The following AFAP1 variants were observed in gnomAD, a reference collection of about 807,000 sequenced individuals.
AFAP1 encodes the protein actin filament associated protein 1.
AFAP1 carries 75 observed loss-of-function variants against 93.9 expected under a neutral mutation model. The ratio of observed to expected loss-of-function variants is 0.80; its 90% CI spans 0.66 to 0.97. The LOEUF is 0.97. Among genes scored for constraint, AFAP1 ranks in the 50% least tolerant of loss-of-function variants. The probability of loss-of-function intolerance (pLI) is 0.00; values close to 1 mark genes in which losing one functional copy is unlikely to be tolerated. For missense variants in AFAP1, 1,201 were observed against 1,050.8 expected (o/e 1.14, Z -1.98); for synonymous variants, 517 against 430.7 (o/e 1.20, Z -2.48).
chr4:7,934,690 C>A (rs1168480025), intron 1 of AFAP1, among the ~76,000 whole-genome samples: 2 of 152,106 alleles, frequency 1.3e-5, no homozygotes, highest in Admixed American at 6.6e-5. Context: ...AGAGAAACTT[C>A]CTGGGTGCTG....
intron 1 of AFAP1, among the ~76,000 whole-genome samples, chr4:7,904,898 G>T (rs1354154507): frequency 6.6e-6 from 1 of 152,072 alleles, no homozygotes; most frequent in Admixed American, 6.6e-5. Context: ...TTGTAGGGAT[G>T]GGGTTTTGCT....
intron 17 of AFAP1, among the ~76,000 whole-genome samples, chr4:7,765,998 TA>T (rs1714514937): frequency 6.6e-6 from 1 of 152,152 alleles, no homozygotes; most frequent in Non-Finnish European, 1.5e-5. Context: ...AGGGGCTCAT[TA>T]ACTGGGTCAT....
intron 6 of AFAP1, among the ~76,000 whole-genome samples, chr4:7,833,842 C>T (rs905699690): frequency 1.3e-5 from 2 of 152,088 alleles, no homozygotes; most frequent in African/African-American, 4.8e-5. Context: ...CCTGCCTCGG[C>T]CTCCCAAAGT....
chr4:7,869,070 AAAG>A (rs1374453255), intron 2 of AFAP1, among the ~76,000 whole-genome samples: 2 of 151,644 alleles, frequency 1.3e-5, no homozygotes, highest in Admixed American at 6.6e-5. Context: ...GGGAAAGAGA[AAAG>A]AAAAAAGAAA....
intron 6 of AFAP1, among the ~76,000 whole-genome samples, chr4:7,836,056 G>T (rs1279006686): frequency 6.6e-6 from 1 of 152,120 alleles, no homozygotes; most frequent in Non-Finnish European, 1.5e-5. Context: ...GGACCCCCGT[G>T]AAAAAGAATG....
At chr4:7,867,942 G>A (rs893033950) in intron 3 of AFAP1, among the ~76,000 whole-genome samples, 6 of 152,150 alleles carry the variant, frequency 3.9e-5, no homozygotes, top group African/African-American at 1.4e-4. Flanking sequence ...CACACTGAAA[G>A]CAAACACAGA....
In AFAP1 at chr4:7,868,087, T is replaced by TAAA. The variant is rs539709817; in HGVS notation, c.225+532_225+534dup. Among the ~76,000 whole-genome samples, 639 of 142,514 alleles carry TAAA rather than the reference T, an allele frequency of 4.5e-3. 3 individuals are homozygous for TAAA. Among genetic ancestry groups the TAAA allele is most frequent in the African/African-American group, 0.014 (547 of 39,126 alleles). The allele number at this position is 142,514 out of a possible 152,430, so 93.5% of individuals were successfully genotyped here. On this transcript the variant is annotated intron_variant, in intron 3 of 17. Coordinates refer to ENST00000420658, the MANE Select transcript of AFAP1 (RefSeq NM_001134647.2). ...TTTGCAAATGAGGGAATCGCCAGAT[T>TAAA]AAAAAAAAAAAAACAACAAATTTGA...
chr4:7,766,023 G>A (rs374700144), intron 17 of AFAP1, among the ~76,000 whole-genome samples: 4 of 152,184 alleles, frequency 2.6e-5, no homozygotes, highest in Non-Finnish European at 5.9e-5. Flanking sequence ...TACACTGCAC[G>A]TCTCCGCATG....
At chr4:7,850,216 G>A (rs955896491) in intron 4 of AFAP1, among the ~76,000 whole-genome samples, 6 of 152,182 alleles carry the variant, frequency 3.9e-5, no homozygotes, top group Non-Finnish European at 7.4e-5. Context: ...GAGTTACTAT[G>A]AGGATAAAAT....
intron 1 of AFAP1, among the ~76,000 whole-genome samples, chr4:7,903,988 A>C (rs1210842977): frequency 6.6e-6 from 1 of 151,976 alleles, no homozygotes; most frequent in Non-Finnish European, 1.5e-5. Context: ...AATACAGGAA[A>C]ATGTGTGTGT....
intron 1 of AFAP1, among the ~76,000 whole-genome samples, chr4:7,877,116 G>GT (rs1464539826): frequency 6.1e-4 from 93 of 152,228 alleles, no homozygotes; most frequent in African/African-American, 2.0e-3. Context: ...GTTTTTGTGG[G>GT]GTTTTTTTCC....
intron 1 of AFAP1, among the ~76,000 whole-genome samples, chr4:7,877,304 G>C (rs1717570549): frequency 6.6e-6 from 1 of 152,208 alleles, no homozygotes; most frequent in Non-Finnish European, 1.5e-5. Context: ...AAGGCACTGT[G>C]CTGGCATCTA....
intron 9 of AFAP1, among the ~76,000 whole-genome samples, chr4:7,801,653 G>C (rs1376052975): frequency 1.3e-5 from 2 of 151,968 alleles, no homozygotes; most frequent in Non-Finnish European, 2.9e-5. Context: ...AGAAAAGGAA[G>C]TACCAGATTC....
intron 1 of AFAP1, among the ~76,000 whole-genome samples, chr4:7,917,929 C>T (rs541830396): frequency 1.4e-4 from 22 of 152,320 alleles, no homozygotes; most frequent in African/African-American, 4.3e-4. Context: ...ATGCCCACTC[C>T]GACTGTCATT....
At chr4:7,788,244 G>A (rs1717498819) in intron 11 of AFAP1, among the ~76,000 whole-genome samples, 1 of 152,242 alleles carries the variant, frequency 6.6e-6, no homozygotes, top group Non-Finnish European at 1.5e-5. Flanking sequence ...AGGATCCTGC[G>A]CTTCTGTGAT....
intron 1 of AFAP1, among the ~76,000 whole-genome samples, chr4:7,889,488 G>C (rs1404353410): frequency 1.3e-5 from 2 of 149,338 alleles, no homozygotes; most frequent in Non-Finnish European, 3.0e-5. Flanking sequence ...AGGAGGTGGA[G>C]GTTGCAGTGA....
rs181006757 is a variant in AFAP1 at position 7,817,607 on chromosome 4, A to G, written c.822+1469T>C. Among the ~76,000 whole-genome samples the G allele has an allele frequency of 1.6e-4, 23 of 147,870 alleles. No homozygotes were observed. In the East Asian group the frequency reaches 3.5e-3, roughly 22 times the overall value. On this transcript the variant is annotated intron_variant, in intron 7 of 17. Coordinates refer to ENST00000420658, the MANE Select transcript of AFAP1 (RefSeq NM_001134647.2). ...ACTCCATCTCAGAAAACAAACAAAA[A>G]GACAAAACAAAAGGACAAAACAACT...
At chr4:7,933,916 A>G (rs1162908360) in intron 1 of AFAP1, among the ~76,000 whole-genome samples, 1 of 152,222 alleles carries the variant, frequency 6.6e-6, no homozygotes, top group African/African-American at 2.4e-5. Flanking sequence ...ATACAATTTC[A>G]ATTATTTTAA....
intron 1 of AFAP1, among the ~76,000 whole-genome samples, chr4:7,879,663 G>T (rs1433512834): frequency 6.7e-6 from 1 of 149,882 alleles, no homozygotes; most frequent in Non-Finnish European, 1.5e-5. Context: ...CTAGCAAAAG[G>T]CCTCTTTGGA....
Sources: allele counts gnomAD v4.1 joint callset (sites outside exome capture counted in the v4.1 genomes callset), GRCh38; gene constraint gnomAD v4.1.1; transcripts MANE v1.5; gene names NCBI Gene and HGNC (gene_info 2026-07-23, HGNC 2026-07-21).